Variants in ADARB2 observed in about 807,000 individuals in gnomAD.
ADARB2 encodes the protein adenosine deaminase RNA specific B2 (inactive).
A neutral mutation model predicts 62.2 loss-of-function variants in ADARB2; 25 were observed. That is an observed-to-expected ratio of 0.40 (90% CI 0.29 to 0.56). The LOEUF is 0.56. Among genes scored for constraint, ADARB2 ranks in the 20% least tolerant of loss-of-function variants. The probability of loss-of-function intolerance (pLI) is 0.43; values close to 1 mark genes in which losing one functional copy is unlikely to be tolerated. For synonymous variants in ADARB2, 572 were observed against 500.8 expected (o/e 1.14, Z -1.90); for missense variants, 1,071 against 1,077.4 (o/e 0.99, Z 0.08).
chr10:1,186,509 C>T (rs558398704), intron 8 of ADARB2: 10 of 519,080 alleles, frequency 1.9e-5, no homozygotes, highest in East Asian at 5.4e-5. Context: ...CTACCTGACG[C>T]GTTCCCCAAG....
intron 1 of ADARB2, among the ~76,000 whole-genome samples, chr10:1,458,434 T>G (rs1831124563): frequency 6.6e-6 from 1 of 152,172 alleles, no homozygotes; most frequent in South Asian, 2.1e-4. Context: ...TTCTTTGCAT[T>G]TTAATATATA....
At position 1,418,574 on chromosome 10, in the gene ADARB2, G is replaced by A. The variant is rs563423067; in HGVS notation, c.101-39414C>T. 1.2e-4 allele frequency among the ~76,000 whole-genome samples: 19 copies of A among 152,306 alleles called. No individual in the cohort carries two copies. The South Asian group carries it at 2.7e-3, about 22-fold the overall frequency. On this transcript the variant is annotated intron_variant, in intron 1 of 9. Transcript: ENST00000381312. ...GCATTGACAAGGGGAAAAACAGCCC[G>A]CAGTAAAAAGCAGTTGTCCGAAGCT...
intron 2 of ADARB2, among the ~76,000 whole-genome samples, chr10:1,370,052 G>A (rs937226275): frequency 3.9e-5 from 6 of 152,186 alleles, no homozygotes; most frequent in African/African-American, 1.4e-4. Flanking sequence ...GTCAAATGTT[G>A]CAGACACTCA....
At chr10:1,330,174 G>C (rs1036905210) in intron 3 of ADARB2, among the ~76,000 whole-genome samples, 4 of 152,070 alleles carry the variant, frequency 2.6e-5, no homozygotes, top group African/African-American at 9.7e-5. Flanking sequence ...GGTCGATTCA[G>C]CCATGGGCCG....
At chr10:1,298,352 G>A (rs1171610521) in intron 3 of ADARB2, among the ~76,000 whole-genome samples, 2 of 152,194 alleles carry the variant, frequency 1.3e-5, no homozygotes, top group Admixed American at 1.3e-4. Flanking sequence ...GGAGTGGCTG[G>A]ACTTAAGGGT....
intron 1 of ADARB2, among the ~76,000 whole-genome samples, chr10:1,485,714 C>T (rs892852137): frequency 1.5e-4 from 23 of 152,320 alleles, no homozygotes; most frequent in Admixed American, 3.3e-4. Context: ...CCGTCTATGG[C>T]GAAGGCTTAG....
intron 1 of ADARB2, among the ~76,000 whole-genome samples, chr10:1,693,887 G>A (rs1354186583): frequency 6.6e-6 from 1 of 152,134 alleles, no homozygotes; most frequent in Non-Finnish European, 1.5e-5. Context: ...CTTGCAGATG[G>A]GCAGGCTGGT....
chr10:1,348,621 T>C (rs78955138), intron 3 of ADARB2, among the ~76,000 whole-genome samples: 3 of 152,144 alleles, frequency 2.0e-5, no homozygotes, highest in African/African-American at 7.2e-5. Flanking sequence ...CCCTCTGCTC[T>C]GTCTGCTGTC....
chr10:1,606,857 G>C (rs1455039026), intron 1 of ADARB2, among the ~76,000 whole-genome samples: 1 of 152,112 alleles, frequency 6.6e-6, no homozygotes, highest in Non-Finnish European at 1.5e-5. Flanking sequence ...TAAACCTGAG[G>C]TTCACATTAC....
chr10:1,483,765 G>C (rs1588274159), intron 1 of ADARB2, among the ~76,000 whole-genome samples: 1 of 148,616 alleles, frequency 6.7e-6, no homozygotes, highest in South Asian at 2.1e-4. Context: ...ACTGTAATAC[G>C]ACGTTGTTTA....
chr10:1,252,989 C>T (rs188000831), intron 4 of ADARB2, among the ~76,000 whole-genome samples: 42 of 152,332 alleles, frequency 2.8e-4, no homozygotes, highest in African/African-American at 9.4e-4. Context: ...AATGACAATA[C>T]ATCTGGGGAA....
intron 1 of ADARB2, among the ~76,000 whole-genome samples, chr10:1,550,845 C>T (rs571084900): frequency 4.8e-5 from 7 of 146,314 alleles, no homozygotes; most frequent in South Asian, 2.3e-4. Context: ...TAACGGTCCC[C>T]GCGCTTCCCA....
At chr10:1,440,760 A>C (rs554900400) in intron 1 of ADARB2, among the ~76,000 whole-genome samples, 1 of 152,328 alleles carries the variant, frequency 6.6e-6, no homozygotes, top group Non-Finnish European at 1.5e-5. Context: ...CCAAAGTCCA[A>C]CAGAACAAAT....
chr10:1,224,006 T>C (rs1006729679), intron 6 of ADARB2, among the ~76,000 whole-genome samples: 2 of 152,208 alleles, frequency 1.3e-5, no homozygotes, highest in African/African-American at 4.8e-5. Flanking sequence ...TGGTACCAGC[T>C]CCTCTTTGTA....
chr10:1,685,456 A>G (rs1834586740), intron 1 of ADARB2, among the ~76,000 whole-genome samples: 1 of 152,184 alleles, frequency 6.6e-6, no homozygotes, highest in Non-Finnish European at 1.5e-5. Flanking sequence ...AATTCTAAAT[A>G]ACAGGCAGGT....
intron 1 of ADARB2, among the ~76,000 whole-genome samples, chr10:1,496,628 C>T (rs1054620275): frequency 1.9e-4 from 29 of 152,022 alleles, no homozygotes; most frequent in Non-Finnish European, 3.5e-4. Context: ...ATTTCATCAT[C>T]ATCATCATCA....
At chr10:1,483,521 G>A (rs1421135300) in intron 1 of ADARB2, among the ~76,000 whole-genome samples, 1 of 151,710 alleles carries the variant, frequency 6.6e-6, no homozygotes, top group Non-Finnish European at 1.5e-5. Context: ...TACTTTTCAA[G>A]AGCATTTTTT....
intron 1 of ADARB2, among the ~76,000 whole-genome samples, chr10:1,544,795 T>G (rs1832493286): frequency 6.6e-6 from 1 of 152,040 alleles, no homozygotes; most frequent in South Asian, 2.1e-4. Flanking sequence ...CCACATAAAG[T>G]CTATATAACA....
At chr10:1,714,317 G>A (rs1019450409) in intron 1 of ADARB2, among the ~76,000 whole-genome samples, 5 of 152,156 alleles carry the variant, frequency 3.3e-5, no homozygotes, top group South Asian at 2.1e-4. Context: ...AGGACCAAAC[G>A]GAATTTAGGC....
Sources: allele counts gnomAD v4.1 joint callset (sites outside exome capture counted in the v4.1 genomes callset), GRCh38; gene constraint gnomAD v4.1.1; transcripts MANE v1.5; gene names NCBI Gene and HGNC (gene_info 2026-07-23, HGNC 2026-07-21).